The following DIAPH1 variants were observed in gnomAD, a reference collection of about 807,000 sequenced individuals.
DIAPH1 encodes the protein protein diaphanous homolog 1.
In DIAPH1, 46 loss-of-function variants were observed where a neutral mutation model predicts 140.7. The observed-to-expected ratio is 0.33, with a 90% confidence interval of 0.26 to 0.42. DIAPH1 has a LOEUF of 0.42. Among genes scored for constraint, DIAPH1 ranks in the 10% least tolerant of loss-of-function variants. The pLI is 1.00. For missense variants in DIAPH1, 1,310 were observed against 1,558.7 expected (o/e 0.84, Z 2.69); for synonymous variants, 565 against 551.6 (o/e 1.02, Z -0.34).
chr5:141,521,489 AC>A (rs1421373523), intron 27 of DIAPH1, among the ~76,000 whole-genome samples: 1 of 152,160 alleles, frequency 6.6e-6, no homozygotes. Context: ...CTTTTAATGA[AC>A]CAAGCCTGAT....
intron 18 of DIAPH1, among the ~76,000 whole-genome samples, chr5:141,539,419 TTTTTTTTTTTG>T (rs550645699): frequency 0.011 from 1,185 of 106,780 alleles, 7 homozygotes; most frequent in Middle Eastern, 0.015. Context: ...GGTAGTTTTG[TTTTTTTTTTTG>T]TTTTTTTTTT....
At chr5:141,538,924 G>T (rs1489500675) in intron 18 of DIAPH1, among the ~76,000 whole-genome samples, 3 of 152,036 alleles carry the variant, frequency 2.0e-5, no homozygotes, top group African/African-American at 7.2e-5. Flanking sequence ...TTGCTCTATA[G>T]TTTTTTCTTA....
At chr5:141,606,281 T>C (rs760419691) in intron 1 of DIAPH1, among the ~76,000 whole-genome samples, 2 of 152,234 alleles carry the variant, frequency 1.3e-5, no homozygotes, top group African/African-American at 4.8e-5. Flanking sequence ...AACCTTTCTG[T>C]AGCCATTAAA....
intron 18 of DIAPH1, among the ~76,000 whole-genome samples, chr5:141,538,516 T>G (rs1000374807): frequency 3.9e-5 from 6 of 152,074 alleles, no homozygotes; most frequent in Admixed American, 6.5e-5. Context: ...CCATGCAACC[T>G]CCGCCTCCTG....
chr5:141,589,356 G>A (rs997876563), intron 1 of DIAPH1, among the ~76,000 whole-genome samples: 15 of 152,184 alleles, frequency 9.9e-5, no homozygotes, highest in Admixed American at 3.3e-4. Context: ...TGTGACAAAA[G>A]TTGTCTGATT....
At chr5:141,523,745 G>C (rs187885312) in intron 27 of DIAPH1, among the ~76,000 whole-genome samples, 22 of 150,970 alleles carry the variant, frequency 1.5e-4, no homozygotes, top group Admixed American at 1.4e-3. Flanking sequence ...TTCTGCTTGT[G>C]AAGTCCAGAG....
intron 18 of DIAPH1, among the ~76,000 whole-genome samples, chr5:141,539,418 G>GTTTTTTTTTTTTTTTTT (rs57490035): frequency 7.5e-6 from 1 of 132,554 alleles, no homozygotes; most frequent in African/African-American, 2.7e-5. Context: ...GGGTAGTTTT[G>GTTTTTTTTTTTTTTTTT]TTTTTTTTTT....
rs138815890 is a variant in DIAPH1, at chr5:141,584,334, TAAGTA to T, written c.301-114_301-110del. ...TGAAGAGTTGAGCATGTAAAATGCT[TAAGTA>T]AATAAATCTTTTTGATCCCTAGAAA... is the stretch of plus-strand genomic sequence containing the variant. On this transcript the variant is annotated intron_variant, in intron 3 of 27. Coordinates refer to ENST00000389054, the MANE Select transcript of DIAPH1 (RefSeq NM_005219.5). 96,048 of 692,280 alleles carry T rather than the reference TAAGTA, an allele frequency of 0.14. 6,861 individuals are homozygous for T. The highest frequency in any genetic ancestry group is 0.19 in the Admixed American group (8,841 of 47,510). 42.9% of individuals were successfully genotyped at this position (692,280 alleles called of 1,614,324 possible). A position where few individuals can be genotyped will look rare whatever the true frequency, so the allele number is the denominator to read the frequency against.
At chr5:141,577,203 A>G (rs746858269) in intron 12 of DIAPH1, among the ~76,000 whole-genome samples, 19 of 152,180 alleles carry the variant, frequency 1.2e-4, no homozygotes, top group Non-Finnish European at 2.5e-4. Context: ...TTAAATTGCC[A>G]CTTCTGTTTG....
chr5:141,527,097 G>A (rs2099887457), intron 24 of DIAPH1, among the ~76,000 whole-genome samples: 1 of 152,194 alleles, frequency 6.6e-6, no homozygotes, highest in Admixed American at 6.5e-5. Flanking sequence ...GGAAGCATGT[G>A]TGAGCGTGTG....
chr5:141,574,260 T>C (rs1189535545), intron 15 of DIAPH1, 52 bp from the exon 16 acceptor site: 2 of 1,584,246 alleles, frequency 1.3e-6, no homozygotes, highest in East Asian at 2.2e-5. Context: ...CAGGGACTAC[T>C]GGGACTGGAA....
intron 18 of DIAPH1, among the ~76,000 whole-genome samples, chr5:141,553,724 T>A (rs2099892114): frequency 6.6e-6 from 1 of 152,088 alleles, no homozygotes; most frequent in African/African-American, 2.4e-5. Flanking sequence ...GGTAAGTACC[T>A]ATTTAAAAAA....
chr5:141,612,064 T>C (rs1415654596), intron 1 of DIAPH1, among the ~76,000 whole-genome samples: 1 of 151,340 alleles, frequency 6.6e-6, no homozygotes, highest in Non-Finnish European at 1.5e-5. Context: ...TGAAACTCTG[T>C]CTCAAAAAAT....
chr5:141,517,187 A>G (rs2099885818), intron 27 of DIAPH1, among the ~76,000 whole-genome samples, 179 bp from the exon 28 acceptor site: 1 of 152,234 alleles, frequency 6.6e-6, no homozygotes, highest in Non-Finnish European at 1.5e-5. Context: ...GTTGGGTGGC[A>G]AAGAATGTAA....
chr5:141,548,565 T>C (rs532649869), intron 18 of DIAPH1, among the ~76,000 whole-genome samples: 31 of 152,080 alleles, frequency 2.0e-4, no homozygotes, highest in Middle Eastern at 6.8e-3. Flanking sequence ...CACCAGTAAC[T>C]CAAAAGGAAG....
intron 19 of DIAPH1, among the ~76,000 whole-genome samples, chr5:141,531,492 A>T (rs1048752899): frequency 2.8e-5 from 4 of 144,660 alleles, no homozygotes; most frequent in Non-Finnish European, 6.2e-5. Flanking sequence ...TTTTATTTTA[A>T]TTTATTTATT....
rs2099896246 is a variant in DIAPH1, at chr5:141,578,269, GGAA to G, written c.1116_1118del (p.Ser373del). 1 of 1,613,950 alleles carries G rather than the reference GGAA, an allele frequency of 6.2e-7. No homozygotes were observed. The highest frequency in any genetic ancestry group is 8.5e-7 in the Non-Finnish European group (1 of 1,180,004). Reference sequence around the variant, plus strand: ...CATCCAGCCGTCCCTTCAGGTCATAGGAATCCTCTTCCCCTTGTTCATCAAACA... The same window carrying G: ...CATCCAGCCGTCCCTTCAGGTCATAGTCCTCTTCCCCTTGTTCATCAAACA... On this transcript the variant is annotated inframe_deletion, in exon 11 of 28. Transcript: ENST00000389054.
chr5:141,572,021 G>A lies in DIAPH1; in HGVS notation c.2378C>T (p.Ser793Phe). Residue 793 changes from serine (S) to phenylalanine (F), a missense_variant, in exon 17 of 28, where the codon TCC (serine) becomes TTC (phenylalanine). By Grantham distance (155) the Ser-to-Phe change is radical. Around this residue, in one of 3 missense-constraint regions of DIAPH1, gnomAD observed 589 missense variants for 549.3 expected, o/e 1.07. Transcript: ENST00000389054. ...CACCTTTGTCCAGAAGCAGTCCTGG[G>A]AGAGGTCCTCAGCCACAAGCTGTGG... is the stretch of plus-strand genomic sequence containing the variant. Reference protein sequence around the residue: ...NWSKLVAEDLSQDCFWTKVKE... With the variant: ...NWSKLVAEDLFQDCFWTKVKE... 2.5e-6 allele frequency: 4 copies of A among 1,614,034 alleles called. No individual in the cohort carries two copies. Among genetic ancestry groups the A allele is most frequent in the South Asian group, 1.1e-5 (1 of 91,072 alleles).
At chr5:141,579,920 C>A (rs569711182) in intron 8 of DIAPH1, among the ~76,000 whole-genome samples, 32 of 150,814 alleles carry the variant, frequency 2.1e-4, no homozygotes, top group African/African-American at 6.8e-4. Flanking sequence ...TGCACTCCAG[C>A]CTGGGGAACA....
Sources: gnomAD v4.1 joint callset for allele counts (sites outside exome capture counted in the v4.1 genomes callset) on GRCh38, gnomAD v4.1.1 for gene constraint, gnomAD v4.1.1 regional missense constraint, MANE v1.5 for transcripts, NCBI Gene and HGNC (gene_info 2026-07-23, HGNC 2026-07-21) for gene names.